The following CADPS variants were observed in gnomAD, a reference collection of about 807,000 sequenced individuals.
The protein encoded by CADPS is calcium-dependent secretion activator 1.
A neutral mutation model predicts 167.3 loss-of-function variants in CADPS; 57 were observed. The ratio of observed to expected loss-of-function variants is 0.34; its 90% CI spans 0.28 to 0.42. CADPS has a LOEUF of 0.42. CADPS is among the 20% of genes least tolerant of loss of function. The probability of loss-of-function intolerance (pLI) is 1.00; values close to 1 mark genes in which losing one functional copy is unlikely to be tolerated. For missense variants in CADPS, 1,414 were observed against 1,738.1 expected (o/e 0.81, Z 3.32); for synonymous variants, 676 against 635.3 (o/e 1.06, Z -0.96).
chr3:62,421,486 T>G lies in CADPS; in HGVS notation c.3777+16618A>C, dbSNP rs939255577. ...AACTGCGCCGTGCAGCTTATCCGCATGCACCCACAGCAGCTGTCACTTTTG... is the reference window on the plus strand; with the variant it reads ...AACTGCGCCGTGCAGCTTATCCGCAGGCACCCACAGCAGCTGTCACTTTTG... On this transcript the variant is annotated intron_variant, in intron 28 of 29. Coordinates refer to ENST00000383710, the MANE Select transcript of CADPS (RefSeq NM_003716.4). This position sits in a 1 kb window ranked among gnomAD's most constrained non-coding sequence, Gnocchi z 4.7. Among the ~76,000 whole-genome samples the G allele has an allele frequency of 6.6e-6, 1 of 152,262 alleles. No homozygotes were observed. The highest frequency in any genetic ancestry group is 6.5e-5 in the Admixed American group (1 of 15,286).
chr3:62,402,825 C>T (rs145672413), intron 29 of CADPS, among the ~76,000 whole-genome samples: 2 of 152,246 alleles, frequency 1.3e-5, no homozygotes, highest in East Asian at 1.9e-4. Context: ...TGGCCTCTGC[C>T]GTATTTTTGT....
At chr3:62,724,299 C>T (rs2076344832) in intron 3 of CADPS, among the ~76,000 whole-genome samples, 1 of 152,160 alleles carries the variant, frequency 6.6e-6, no homozygotes, top group Admixed American at 6.5e-5. Context: ...CACTCTCAAA[C>T]CTGCCTCCCT....
At chr3:62,784,090 G>A (rs527500321) in intron 1 of CADPS, among the ~76,000 whole-genome samples, 3 of 152,198 alleles carry the variant, frequency 2.0e-5, no homozygotes, top group South Asian at 2.1e-4. Context: ...TTATCTTACC[G>A]GAAATTAAGG....
chr3:62,516,320 A>C (rs13083169), intron 15 of CADPS, 138 bp from the exon 16 acceptor site: 1 of 1,179,564 alleles, frequency 8.5e-7, no homozygotes, highest in Non-Finnish European at 1.2e-6. Flanking sequence ...AAGAGAAAGC[A>C]CCAGAATTGC....
intron 16 of CADPS, chr3:62,513,646 A>G: frequency 6.3e-7 from 1 of 1,585,236 alleles, no homozygotes; most frequent in South Asian, 1.1e-5. Context: ...ACGAATGGTT[A>G]AATCCATCAC....
chr3:62,554,182 A>T (rs2077746940), intron 10 of CADPS, among the ~76,000 whole-genome samples: 1 of 152,206 alleles, frequency 6.6e-6, no homozygotes, highest in Non-Finnish European at 1.5e-5. Context: ...AGAAATTGAG[A>T]TTATTTCAAA....
chr3:62,464,469 C>T (rs1052713606), intron 26 of CADPS, among the ~76,000 whole-genome samples: 13 of 152,166 alleles, frequency 8.5e-5, no homozygotes, highest in African/African-American at 3.1e-4. Flanking sequence ...CCAGCAGGAA[C>T]CTGCTGTCAG....
chr3:62,741,370 C>T (rs1418861228), intron 3 of CADPS, among the ~76,000 whole-genome samples: 1 of 152,108 alleles, frequency 6.6e-6, no homozygotes, highest in African/African-American at 2.4e-5. Context: ...ATGTAAAATC[C>T]TCAGCAAAAT....
rs1007846592 is a variant in CADPS, at chr3:62,433,345, G to A, written c.3777+4759C>T. On this transcript the variant is annotated intron_variant, in intron 28 of 29. Coordinates refer to ENST00000383710, the MANE Select transcript of CADPS (RefSeq NM_003716.4). The surrounding 1 kb of genome is among the most constrained non-coding windows in gnomAD (Gnocchi z 4.7). ...AAAATGGAACAGCAAATTAAAATCC[G>A]TGCGAGGCAAAGAATACTGAGTAGC... Among the ~76,000 whole-genome samples, 14 of 152,084 alleles carry A rather than the reference G, an allele frequency of 9.2e-5. No individual in the cohort carries two copies. Among genetic ancestry groups the A allele is most frequent in the Admixed American group, 2.0e-4 (3 of 15,254 alleles).
chr3:62,428,459 C>T (rs3344), intron 28 of CADPS, among the ~76,000 whole-genome samples: 91,544 of 151,526 alleles, frequency 0.6, 28,375 homozygotes, highest in East Asian at 0.85. Flanking sequence ...AGTGGGACTA[C>T]TCTGGATACA....
intron 7 of CADPS, among the ~76,000 whole-genome samples, chr3:62,587,690 T>C (rs2084950799): frequency 6.6e-6 from 1 of 152,236 alleles, no homozygotes. Context: ...CTGGGCGTGC[T>C]TCCCACTGGC....
intron 1 of CADPS, among the ~76,000 whole-genome samples, chr3:62,826,951 G>A (rs1449633547): frequency 6.6e-6 from 1 of 152,108 alleles, no homozygotes; most frequent in African/African-American, 2.4e-5. Flanking sequence ...CCCCTTCTGA[G>A]CTGCCAGACG....
chr3:62,517,083 A>T lies in CADPS; in HGVS notation c.2394-440T>A, dbSNP rs532765515. ...AAAGTGGATTTAGAGCAAATTCATG[A>T]TTCTGCTAGCTATCCTTCCCTGCTT... On this transcript the variant is annotated intron_variant, in intron 14 of 29. Transcript: ENST00000383710. Among the ~76,000 whole-genome samples, 7 of 152,288 alleles carry T rather than the reference A, an allele frequency of 4.6e-5. No homozygotes were observed. In the South Asian group the frequency reaches 1.5e-3, roughly 32 times the overall value.
At chr3:62,571,784 G>A (rs983707417) in intron 8 of CADPS, among the ~76,000 whole-genome samples, 4 of 152,064 alleles carry the variant, frequency 2.6e-5, no homozygotes, top group Admixed American at 6.6e-5. Flanking sequence ...GGCTGGTCTC[G>A]AACTCCCAAC....
intron 1 of CADPS, among the ~76,000 whole-genome samples, chr3:62,804,189 C>G (rs763345229): frequency 2.0e-5 from 3 of 152,102 alleles, no homozygotes; most frequent in Non-Finnish European, 2.9e-5. Flanking sequence ...TATGTCTGTA[C>G]TGCTTAATTC....
At chr3:62,648,569 C>G (rs1459400158) in intron 5 of CADPS, among the ~76,000 whole-genome samples, 1 of 151,610 alleles carries the variant, frequency 6.6e-6, no homozygotes, top group African/African-American at 2.4e-5. Flanking sequence ...GTAGTCCCAG[C>G]TACTTGGGAG....
In CADPS at chr3:62,761,585, T is replaced by A. The variant is rs190979889; in HGVS notation, c.555+4286A>T. ...ACTTCCAGGAAGAATTTGAGTTTTG[T>A]AAAACTTTTTTATCCACCTATTTTC... On this transcript the variant is annotated intron_variant, in intron 2 of 29. Coordinates refer to ENST00000383710, the MANE Select transcript of CADPS (RefSeq NM_003716.4). Among the ~76,000 whole-genome samples the A allele has an allele frequency of 5.4e-3, 824 of 152,078 alleles. 6 individuals carry two copies. The highest frequency in any genetic ancestry group is 9.5e-3 in the Non-Finnish European group (644 of 67,990).
At chr3:62,430,523 C>T (rs371934930) in intron 28 of CADPS, among the ~76,000 whole-genome samples, 12 of 152,072 alleles carry the variant, frequency 7.9e-5, no homozygotes, top group Non-Finnish European at 1.5e-5. Flanking sequence ...TGAAAACGAA[C>T]TTGGATTGTT....
At chr3:62,724,087 C>A (rs1581166960) in intron 3 of CADPS, among the ~76,000 whole-genome samples, 1 of 152,224 alleles carries the variant, frequency 6.6e-6, no homozygotes, top group African/African-American at 2.4e-5. Flanking sequence ...TGTATCTGCA[C>A]TCAGGAAGAA....
Sources: gnomAD v4.1 joint callset for allele counts (sites outside exome capture counted in the v4.1 genomes callset) on GRCh38, gnomAD v4.1.1 for gene constraint, Gnocchi (gnomAD v3.1) non-coding constraint, MANE v1.5 for transcripts, NCBI Gene and HGNC (gene_info 2026-07-23, HGNC 2026-07-21) for gene names.